The following GCDH variants were observed in gnomAD, a reference collection of about 807,000 sequenced individuals.
GCDH encodes the protein glutaryl-CoA dehydrogenase, mitochondrial.
A neutral mutation model predicts 52.8 loss-of-function variants in GCDH; 31 were observed. That is an observed-to-expected ratio of 0.59 (90% CI 0.44 to 0.79). GCDH has a LOEUF of 0.79. Among genes scored for constraint, GCDH ranks in the 30% least tolerant of loss-of-function variants. The probability of loss-of-function intolerance (pLI) is 0.00; values close to 1 mark genes in which losing one functional copy is unlikely to be tolerated. For missense variants in GCDH, 509 were observed against 595.0 expected (o/e 0.86, Z 1.50); for synonymous variants, 242 against 250.0 (o/e 0.97, Z 0.30).
At chr19:12,899,156 G>A in intron 11 of GCDH, 2 of 611,396 alleles carry the variant, frequency 3.3e-6, no homozygotes. Flanking sequence ...ACGAAGCCTG[G>A]GCCTATGGCA....
intron 6 of GCDH, among the ~76,000 whole-genome samples, chr19:12,895,290 C>A (rs116838625): frequency 6.6e-6 from 1 of 152,030 alleles, no homozygotes; most frequent in Non-Finnish European, 1.5e-5. Flanking sequence ...GACAAAGTCC[C>A]GCTCCGTCCC....
chr19:12,892,268 CTCTT>C (rs755946612), intron 5 of GCDH, 90 bp downstream of exon 5: 1 of 1,126,192 alleles, frequency 8.9e-7, no homozygotes, highest in African/African-American at 1.5e-5. Context: ...TTCCTTCCTT[CTCTT>C]TCTTTTCTTT....
At chr19:12,895,917 G>T in intron 6 of GCDH, 75 bp from the exon 7 acceptor site, 1 of 1,583,992 alleles carries the variant, frequency 6.3e-7, no homozygotes, top group South Asian at 1.1e-5. Flanking sequence ...ACTGCACCCC[G>T]CCACGAGGAT....
intron 6 of GCDH, among the ~76,000 whole-genome samples, chr19:12,895,313 G>T (rs550655920): frequency 6.6e-6 from 1 of 152,182 alleles, no homozygotes; most frequent in African/African-American, 2.4e-5. Context: ...AGGCTGAAGT[G>T]CAGTGGTACA....
chr19:12,894,613 G>A, intron 6 of GCDH: 1 of 679,834 alleles, frequency 1.5e-6, no homozygotes, highest in Non-Finnish European at 2.6e-6. Context: ...TTGTAAAAAA[G>A]CCCTTAAACA....
At position 12,899,602 on chromosome 19, in the gene GCDH, C is replaced by G. The variant is rs368816047; in HGVS notation, c.*61C>G. The G allele has an allele frequency of 1.2e-6, 2 of 1,613,350 alleles. No homozygotes were observed. Among genetic ancestry groups the G allele is most frequent in the African/African-American group, 2.7e-5 (2 of 74,900 alleles). ...TTTCTGGAGAGATGCCTGGCTGGAC[C>G]GTAGGAGCGCTGTGCTCTGAGCTTA... On this transcript the variant is annotated 3_prime_UTR_variant, in exon 12 of 12. Transcript: ENST00000222214.
In GCDH at chr19:12,899,897, A is replaced by G. The variant is rs1402536270; in HGVS notation, c.*356A>G. ...TCACAGTGCGCCCTCCCTCCCTCCCATCTGGGGGTAGTGCCTTATGCTGGG... is the reference window on the plus strand; with the variant it reads ...TCACAGTGCGCCCTCCCTCCCTCCCGTCTGGGGGTAGTGCCTTATGCTGGG... On this transcript the variant is annotated 3_prime_UTR_variant, in exon 12 of 12. Transcript: ENST00000222214. 7.1e-6 allele frequency: 9 copies of G among 1,263,254 alleles called. No individual in the cohort carries two copies. Among genetic ancestry groups the G allele is most frequent in the Non-Finnish European group, 8.9e-6 (8 of 900,466 alleles). The allele number at this position is 1,263,254 out of a possible 1,614,324, so 78.3% of individuals were successfully genotyped here.
In GCDH at chr19:12,899,993, C is replaced by G. The variant is rs1970801398; in HGVS notation, c.*452C>G. On this transcript the variant is annotated 3_prime_UTR_variant, in exon 12 of 12. Coordinates refer to ENST00000222214, the MANE Select transcript of GCDH (RefSeq NM_000159.4). ...GACCCCAAGGTGTCAGGCCGGTTTA[C>G]TGGTAACCACCTGAGAAGTAGTTTC... The G allele has an allele frequency of 1.9e-6, 3 of 1,612,482 alleles. No individual in the cohort carries two copies. Among genetic ancestry groups the G allele is most frequent in the Non-Finnish European group, 1.7e-6 (2 of 1,179,698 alleles).
At chr19:12,894,913 C>CAAA (rs35759366) in intron 6 of GCDH, 80 of 175,912 alleles carry the variant, frequency 4.5e-4, no homozygotes, top group South Asian at 8.3e-4. Context: ...ATCAGATTCG[C>CAAA]AAAAAAAAAA....
chr19:12,894,231 C>T, intron 6 of GCDH: 1 of 1,207,844 alleles, frequency 8.3e-7, no homozygotes. Flanking sequence ...AGCGTATGGC[C>T]ACAGAAGTTG....
chr19:12,897,380 T>A lies in GCDH; in HGVS notation c.1034T>A (p.Leu345Gln), dbSNP rs763554874. 1 of 1,612,780 alleles carries A rather than the reference T, an allele frequency of 6.2e-7. No homozygotes were observed. Among genetic ancestry groups the A allele is most frequent in the South Asian group, 1.1e-5 (1 of 91,062 alleles). ...GCAGACATGCTCACTGAGATTACCC[T>A]GGGCCTTCACGCCTGCCTGCAGCTC... ...KLADMLTEIT[L>Q]GLHACLQLGR... is the part of the protein sequence containing the mutation. The change falls in exon 10 of 12, where the codon CTG (leucine) becomes CAG (glutamine). Residue 345 changes from leucine to glutamine, a missense_variant. Coordinates refer to ENST00000222214, the MANE Select transcript of GCDH (RefSeq NM_000159.4).
chr19:12,896,554 C>T lies in GCDH; in HGVS notation c.852+133C>T. On this transcript the variant is annotated intron_variant, in intron 8 of 11. Coordinates refer to ENST00000222214, the MANE Select transcript of GCDH (RefSeq NM_000159.4). This position sits in a 1 kb window ranked among gnomAD's most constrained non-coding sequence, Gnocchi z 5.5. ...CAGTGGTGATTCTTACTCAGCCGGA[C>T]TCGCTGACGTGCTGAAAACTGCCCC... The T allele has an allele frequency of 1.3e-6, 1 of 779,552 alleles. No homozygotes were observed. Among genetic ancestry groups the T allele is most frequent in the Non-Finnish European group, 2.2e-6 (1 of 459,474 alleles). The allele number at this position is 779,552 out of a possible 1,614,324, so 48.3% of individuals were successfully genotyped here. A position where few individuals can be genotyped will look rare whatever the true frequency, so the allele number is the denominator to read the frequency against.
rs398123192 is a variant in GCDH at position 12,892,122 on chromosome 19, A to G, written c.278A>G (p.His93Arg). ...GGCACTGGTCCCTTTGCAGTTTTTC[A>G]TCGGGAGATCATTTCGGAGATGGGG... ...ILLANRNEVF[H>R]REIISEMGEL... Residue 93 changes from histidine (H) to arginine (R), a missense_variant, in exon 5 of 12, where the codon CAT becomes CGT. Coordinates refer to ENST00000222214, the MANE Select transcript of GCDH (RefSeq NM_000159.4). 6.2e-7 allele frequency: 1 copy of G among 1,614,096 alleles called. No homozygotes were observed. The highest frequency in any genetic ancestry group is 1.3e-5 in the African/African-American group (1 of 75,016).
At chr19:12,893,820 G>A in intron 6 of GCDH, 167 bp downstream of exon 6, 1 of 700,214 alleles carries the variant, frequency 1.4e-6, no homozygotes, top group Non-Finnish European at 2.6e-6. Flanking sequence ...TCTGATCCCT[G>A]GCCAGCCTGA....
At chr19:12,899,220 G>A (rs1240149314) in intron 11 of GCDH, 1 of 933,644 alleles carries the variant, frequency 1.1e-6, no homozygotes, top group Non-Finnish European at 1.7e-6. Flanking sequence ...TTGGGTTTTT[G>A]TTTTTTTCTG....
chr19:12,894,540 G>C (rs1970630701), intron 6 of GCDH: 4 of 669,146 alleles, frequency 6.0e-6, no homozygotes, highest in Middle Eastern at 7.1e-4. Context: ...CTGGGGCCCA[G>C]TACAGCTAGC....
intron 11 of GCDH, 106 bp from the exon 12 acceptor site, chr19:12,899,362 G>A: frequency 6.2e-7 from 1 of 1,614,020 alleles, no homozygotes; most frequent in Admixed American, 1.7e-5. Flanking sequence ...CATCTCTGTT[G>A]GTCTGTACTT....
rs75430014 is a variant in GCDH at position 12,891,977 on chromosome 19, G to A, written c.271+3G>A. Reference sequence around the variant, plus strand: ...CCTGTTGGCCAATCGCAACGAAGGTGGGCGGGCTGGTGGGTGCCCTGAGAC... The same window carrying A: ...CCTGTTGGCCAATCGCAACGAAGGTAGGCGGGCTGGTGGGTGCCCTGAGAC... On this transcript the variant is annotated splice_donor_region_variant and intron_variant, in intron 4 of 11. Coordinates refer to ENST00000222214, the MANE Select transcript of GCDH (RefSeq NM_000159.4). 2.8e-4 allele frequency: 451 copies of A among 1,614,224 alleles called. 5 individuals carry two copies. In the African/African-American group the frequency reaches 5.5e-3, roughly 20 times the overall value.
rs1970549281 is a variant in GCDH, at chr19:12,891,334, G to C, written c.30G>C (p.Leu10=). 5 of 1,611,488 alleles carry C rather than the reference G, an allele frequency of 3.1e-6. No homozygotes were observed. The highest frequency in any genetic ancestry group is 4.2e-6 in the Non-Finnish European group (5 of 1,179,940). ...CCCTGAGAGGCGTCTCCGTGCGGCTGCTGAGCCGCGGACCCGGCCTGCACG... is the reference window on the plus strand; with the variant it reads ...CCCTGAGAGGCGTCTCCGTGCGGCTCCTGAGCCGCGGACCCGGCCTGCACG... MALRGVSVR[L]LSRGPGLHVL... is the part of the protein sequence containing the mutation. Residue 10 remains leucine, a synonymous_variant, in exon 2 of 12, where the codon CTG becomes CTC. Coordinates refer to ENST00000222214, the MANE Select transcript of GCDH (RefSeq NM_000159.4).
Sources: gnomAD v4.1 joint callset for allele counts (sites outside exome capture counted in the v4.1 genomes callset) on GRCh38, gnomAD v4.1.1 for gene constraint, Gnocchi (gnomAD v3.1) non-coding constraint, MANE v1.5 for transcripts, NCBI Gene and HGNC (gene_info 2026-07-23, HGNC 2026-07-21) for gene names.